Variants in IL19 observed in about 807,000 individuals in gnomAD.
IL19 encodes interleukin-19.
A neutral mutation model predicts 19.5 loss-of-function variants in IL19; 15 were observed. The ratio of observed to expected loss-of-function variants is 0.77; its 90% CI spans 0.52 to 1.19. IL19 has a LOEUF of 1.19. Among genes scored for constraint, IL19 ranks in the 50% most tolerant of loss-of-function variants. The pLI, the probability that IL19 is intolerant of heterozygous loss-of-function variation, is 0.00. For synonymous variants in IL19, 78 were observed against 78.3 expected, an observed-to-expected ratio of 1.00 and a Z score of 0.02; for missense variants, 199 against 213.1, an observed-to-expected ratio of 0.93 and a Z score of 0.41.
chr1:206,826,934 G>A (rs540080232), intron 2 of IL19, among the ~76,000 whole-genome samples: 6 of 152,286 alleles, frequency 3.9e-5, no homozygotes, highest in African/African-American at 1.2e-4. Context: ...TGTGGCCTCC[G>A]GTCCCAGCTC....
intron 2 of IL19, 62 bp downstream of exon 2, chr1:206,799,068 C>T: frequency 1.8e-6 from 2 of 1,112,002 alleles, no homozygotes; most frequent in East Asian, 2.4e-5. Flanking sequence ...CAGAGATATC[C>T]AGTTTATTTC....
intron 5 of IL19, 59 bp from the exon 6 acceptor site, chr1:206,840,945 G>C: frequency 7.2e-7 from 1 of 1,389,384 alleles, no homozygotes; most frequent in South Asian, 1.2e-5. Context: ...GGAGGCAGGA[G>C]TAAGAGAGGG....
chr1:206,826,372 C>T (rs1244821740), intron 2 of IL19, among the ~76,000 whole-genome samples: 1 of 152,200 alleles, frequency 6.6e-6, no homozygotes, highest in Non-Finnish European at 1.5e-5. Flanking sequence ...GTCTGAACTA[C>T]ACCGCTGGCT....
chr1:206,787,142 C>G (rs1675286560), intron 1 of IL19, among the ~76,000 whole-genome samples: 1 of 152,198 alleles, frequency 6.6e-6, no homozygotes, highest in African/African-American at 2.4e-5. Flanking sequence ...CCTGTGCTCT[C>G]CCACGTCCTT....
chr1:206,800,209 T>C (rs1257993711), intron 2 of IL19, among the ~76,000 whole-genome samples: 1 of 152,210 alleles, frequency 6.6e-6, no homozygotes, highest in South Asian at 2.1e-4. Context: ...ACAAAGTCCA[T>C]ACCCCATTGA....
rs1232233579 is a variant in IL19, at chr1:206,795,228, G to A, written c.-148-3633G>A. Among the ~76,000 whole-genome samples the A allele has an allele frequency of 1.3e-5, 2 of 152,206 alleles. 1 individual carries two copies. Among genetic ancestry groups the A allele is most frequent in the East Asian group, 3.9e-4 (2 of 5,194 alleles). ...CAGTCTGAGGGCAGTAGTCTGTTGTGAAAGGGGACAGATATGTCACCTTGA... is the reference window on the plus strand; with the variant it reads ...CAGTCTGAGGGCAGTAGTCTGTTGTAAAAGGGGACAGATATGTCACCTTGA... On this transcript the variant is annotated intron_variant, in intron 1 of 6. Coordinates refer to ENST00000659997, the MANE Select transcript of IL19 (RefSeq NM_153758.5).
At chr1:206,806,351 T>G (rs1197390383) in intron 2 of IL19, among the ~76,000 whole-genome samples, 1 of 152,068 alleles carries the variant, frequency 6.6e-6, no homozygotes, top group Admixed American at 6.6e-5. Flanking sequence ...CATTGGCAGA[T>G]AGAAAAGAGC....
chr1:206,812,889 G>T (rs761204249), intron 2 of IL19, among the ~76,000 whole-genome samples: 1 of 151,992 alleles, frequency 6.6e-6, no homozygotes, highest in African/African-American at 2.4e-5. Context: ...TTTGCAATTT[G>T]GTTTTTAGAA....
chr1:206,797,803 G>T (rs934828691), intron 1 of IL19, among the ~76,000 whole-genome samples: 5 of 152,184 alleles, frequency 3.3e-5, no homozygotes, highest in African/African-American at 1.2e-4. Context: ...GTCGTGGTTG[G>T]CAGGAAGTGC....
At chr1:206,790,989 T>A (rs1045521786) in intron 1 of IL19, among the ~76,000 whole-genome samples, 10 of 152,206 alleles carry the variant, frequency 6.6e-5, no homozygotes, top group Non-Finnish European at 1.5e-4. Context: ...TATTCTCTGT[T>A]GTGTGGTGCC....
chr1:206,782,374 A>G (rs1191280961), intron 1 of IL19, among the ~76,000 whole-genome samples: 1 of 151,772 alleles, frequency 6.6e-6, no homozygotes, highest in Admixed American at 6.6e-5. Context: ...AAAAGGGAAG[A>G]CCTCTCAGGG....
rs1408120809 is a variant in IL19, at chr1:206,834,538, G to C, written c.-2-2123G>C. 5 of 663,410 alleles carry C rather than the reference G, an allele frequency of 7.5e-6. No homozygotes were observed. In the East Asian group the frequency reaches 6.7e-4, roughly 89 times the overall value. 41.1% of individuals were successfully genotyped at this position (663,410 alleles called of 1,614,324 possible). A position where few individuals can be genotyped will look rare whatever the true frequency, so the allele number is the denominator to read the frequency against. The stretch of plus-strand genomic sequence containing the variant: ...CAGATGCTGGGCATTTGGTAGAATG[G>C]GAAGGGGTACTCTATAGAAAAGGTG... On this transcript the variant is annotated intron_variant, in intron 2 of 6. Coordinates refer to ENST00000659997, the MANE Select transcript of IL19 (RefSeq NM_153758.5).
In IL19 at chr1:206,801,356, C is replaced by T. The variant is rs150276813; in HGVS notation, c.-3+2350C>T. Among the ~76,000 whole-genome samples the T allele has an allele frequency of 3.9e-5, 6 of 152,320 alleles. 1 individual carries two copies. The East Asian group carries it at 1.2e-3, about 29-fold the overall frequency. ...TCTGCTCTCCACTGTCCTCATGTGCCTGGAGGCGGGGGGTGGAATGGAGGC... is the reference window on the plus strand; with the variant it reads ...TCTGCTCTCCACTGTCCTCATGTGCTTGGAGGCGGGGGGTGGAATGGAGGC... On this transcript the variant is annotated intron_variant, in intron 2 of 6. Transcript: ENST00000659997.
At chr1:206,836,133 C>A (rs1268363298) in intron 2 of IL19, among the ~76,000 whole-genome samples, 1 of 152,214 alleles carries the variant, frequency 6.6e-6, no homozygotes, top group Non-Finnish European at 1.5e-5. Context: ...AAGGTGAAAT[C>A]TCCACAGCTG....
chr1:206,817,362 T>A (rs1046934462), intron 2 of IL19, among the ~76,000 whole-genome samples: 5 of 152,234 alleles, frequency 3.3e-5, no homozygotes, highest in African/African-American at 1.2e-4. Flanking sequence ...GGAGACAGAT[T>A]TGAGCTTGAC....
intron 1 of IL19, among the ~76,000 whole-genome samples, chr1:206,795,918 AAT>A (rs764445014): frequency 0.043 from 6,189 of 143,372 alleles, 288 homozygotes; most frequent in African/African-American, 0.11. Flanking sequence ...AACCAATATA[AAT>A]ATATATATGT....
intron 1 of IL19, among the ~76,000 whole-genome samples, chr1:206,776,997 C>T (rs1393259288): frequency 1.3e-5 from 2 of 150,826 alleles, no homozygotes; most frequent in Admixed American, 6.6e-5. Context: ...TTTGGGAGGC[C>T]GAGGTGGACG....
intron 1 of IL19, among the ~76,000 whole-genome samples, chr1:206,777,687 GT>G (rs1675043755): frequency 6.6e-6 from 1 of 152,216 alleles, no homozygotes; most frequent in African/African-American, 2.4e-5. Flanking sequence ...AGGTGAGACC[GT>G]GCCCATCTTG....
At chr1:206,771,843 G>A (rs182562553) in intron 1 of IL19, among the ~76,000 whole-genome samples, 104 of 152,300 alleles carry the variant, frequency 6.8e-4, no homozygotes, top group African/African-American at 2.3e-3. Context: ...TCTAATGCAG[G>A]TTTCCCTCAT....
Sources: allele counts gnomAD v4.1 joint callset (sites outside exome capture counted in the v4.1 genomes callset), GRCh38; gene constraint gnomAD v4.1.1; transcripts MANE v1.5; gene names NCBI Gene and HGNC (gene_info 2026-07-23, HGNC 2026-07-21).